The following SLC19A1 variants were observed in gnomAD, a reference collection of about 807,000 sequenced individuals.
The protein encoded by SLC19A1 is reduced folate transporter.
SLC19A1 carries 37 observed loss-of-function variants against 35.3 expected under a neutral mutation model. That is an observed-to-expected ratio of 1.05 (90% CI 0.81 to 1.38). The LOEUF (loss-of-function observed/expected upper bound fraction) is 1.38. Ranked by LOEUF, SLC19A1 falls within the 40% of genes most tolerant of loss-of-function variation. The pLI, the probability that SLC19A1 is intolerant of heterozygous loss-of-function variation, is 0.00. For synonymous variants in SLC19A1, 460 were observed against 398.5 expected, an observed-to-expected ratio of 1.15 and a Z score of -1.84; for missense variants, 831 against 826.9, an observed-to-expected ratio of 1.00 and a Z score of -0.06.
rs556267722 is a variant in SLC19A1 at position 45,517,491 on chromosome 21, C to T, written c.1294-1351G>A. Among the ~76,000 whole-genome samples, 3 of 151,032 alleles carry T rather than the reference C, an allele frequency of 2.0e-5. No homozygotes were observed. Among genetic ancestry groups the T allele is most frequent in the Non-Finnish European group, 4.4e-5 (3 of 67,822 alleles). On this transcript the variant is annotated intron_variant, in intron 5 of 5. Transcript: ENST00000311124. This position sits in a 1 kb window ranked among gnomAD's most constrained non-coding sequence, Gnocchi z 4.4. ...ACACCCACCCTCACCCCCAAGGAGT[C>T]AGCAGAGACCACAGGGAAGCCCAAG... is the stretch of plus-strand genomic sequence containing the variant.
In SLC19A1 at chr21:45,531,485, C is replaced by T; in HGVS notation, c.853G>A (p.Val285Ile). The change falls in exon 3 of 6, where the codon GTC becomes ATC. Residue 285 changes from valine to isoleucine, a missense_variant. Coordinates refer to ENST00000311124, the MANE Select transcript of SLC19A1 (RefSeq NM_194255.4). ...VFNSAGYYLV[V>I]YYVHILWNEV... ...TTCCACAGGATGTGCACGTAGTAGA[C>T]CACCAGGTAGTAGCCGGCCGAGTTG... 6.2e-7 allele frequency: 1 copy of T among 1,612,794 alleles called. No homozygotes were observed. Among genetic ancestry groups the T allele is most frequent in the Middle Eastern group, 1.7e-4 (1 of 6,058 alleles).
intron 1 of SLC19A1, among the ~76,000 whole-genome samples, chr21:45,554,648 T>C (rs1451107260): frequency 6.8e-6 from 1 of 147,056 alleles, no homozygotes; most frequent in African/African-American, 2.5e-5. Flanking sequence ...GGAAACTTCC[T>C]TTCAGGCCGG....
rs148243729 is a variant in SLC19A1 at position 45,531,840 on chromosome 21, G to A, written c.498C>T (p.Thr166=). The A allele has an allele frequency of 1.1e-4, 179 of 1,586,948 alleles. 2 individuals carry two copies. In the South Asian group the frequency reaches 1.8e-3, roughly 16 times the overall value. The change falls in exon 3 of 6, where the codon ACC becomes ACT. Residue 166 remains threonine (T), a synonymous_variant. Transcript: ENST00000311124. ...SRAAVLLGVF[T]SSVLGQLLVT... ...CCAGCAGCTGGCCCAGCACGGAGCT[G>A]GTGAACACGCCCAGCAGCACCGCAG...
At chr21:45,553,074 T>C (rs977026544) in intron 1 of SLC19A1, among the ~76,000 whole-genome samples, 2 of 152,046 alleles carry the variant, frequency 1.3e-5, no homozygotes, top group Non-Finnish European at 2.9e-5. Flanking sequence ...GGGCGGCAGG[T>C]GGCCAGGCTC....
rs928588113 is a variant in SLC19A1 at position 45,505,685 on chromosome 21, C to T, written c.498-7073G>A. On this transcript the variant is annotated intron_variant, in intron 3 of 4. Transcript: ENST00000417954. ...GCAGGAGCTGGCGGCAGGCAGGGGT[C>T]CCCATGGTGCTCATGGGGGCAGCCG... 7.1e-6 allele frequency: 5 copies of T among 700,608 alleles called. No individual in the cohort carries two copies. In the Admixed American group the frequency reaches 8.7e-5, roughly 12 times the overall value. 43.4% of individuals were successfully genotyped at this position (700,608 alleles called of 1,614,324 possible).
At chr21:45,554,573 C>G (rs1211588743) in intron 1 of SLC19A1, among the ~76,000 whole-genome samples, 1 of 133,402 alleles carries the variant, frequency 7.5e-6, no homozygotes, top group African/African-American at 2.9e-5. Context: ...CAGGGGGCGT[C>G]CTCTTGTGCC....
Position 45,534,831 on chromosome 21 carries a change from G to A in SLC19A1, c.190-2683C>T. On this transcript the variant is annotated intron_variant, in intron 2 of 5. Coordinates refer to ENST00000311124, the MANE Select transcript of SLC19A1 (RefSeq NM_194255.4). The surrounding 1 kb of genome is among the most constrained non-coding windows in gnomAD (Gnocchi z 4.2). ...CTCACAACGGTCCCAGCAGGGAGGT[G>A]GCATCTGTCAGGCGGCCACGACTCT... The A allele has an allele frequency of 1.8e-6, 1 of 569,762 alleles. No homozygotes were observed. Among genetic ancestry groups the A allele is most frequent in the South Asian group, 2.1e-5 (1 of 48,642 alleles). 35.3% of individuals were successfully genotyped at this position (569,762 alleles called of 1,614,324 possible).
chr21:45,513,365 G>A lies in SLC19A1; in HGVS notation c.*2293C>T, dbSNP rs2037720470. The A allele has an allele frequency of 6.6e-6, 1 of 152,324 alleles. No individual in the cohort carries two copies. Among genetic ancestry groups the A allele is most frequent in the Non-Finnish European group, 1.5e-5 (1 of 68,100 alleles). The allele number at this position is 152,324 out of a possible 1,614,324, so 9.4% of individuals were successfully genotyped here. A position where few individuals can be genotyped will look rare whatever the true frequency, so the allele number is the denominator to read the frequency against. On this transcript the variant is annotated 3_prime_UTR_variant, in exon 6 of 6. Transcript: ENST00000311124. ...TCTGTGCACTGCCCATGGACAGGCT[G>A]GCTCCAGATGCAGGGCAGTCATTGG... is the stretch of plus-strand genomic sequence containing the variant.
chr21:45,509,108 G>T (rs773193507), downstream of SLC19A1, among the ~76,000 whole-genome samples: 10 of 152,120 alleles, frequency 6.6e-5, no homozygotes, highest in Admixed American at 1.3e-4. Flanking sequence ...TGATTGCTGC[G>T]GCTTCTGAGC....
intron 2 of SLC19A1, 40 bp downstream of exon 2, chr21:45,537,731 C>A: frequency 3.3e-6 from 3 of 917,388 alleles, no homozygotes; most frequent in South Asian, 2.9e-5. Flanking sequence ...CCCGCCCACC[C>A]ACCCACAGGC....
At chr21:45,527,521 G>A (rs368331535) in intron 4 of SLC19A1, among the ~76,000 whole-genome samples, 5 of 138,720 alleles carry the variant, frequency 3.6e-5, no homozygotes, top group Admixed American at 7.2e-5. Flanking sequence ...AGTGGCAGCC[G>A]GGCAGGGCGG....
downstream of SLC19A1, chr21:45,509,248 G>C (rs919408100): frequency 1.4e-6 from 2 of 1,447,598 alleles, no homozygotes; most frequent in African/African-American, 1.4e-5. Flanking sequence ...CTCCCTGCTT[G>C]CCAGTTCAGA....
At chr21:45,552,690 T>G (rs1396586181) in intron 1 of SLC19A1, among the ~76,000 whole-genome samples, 1 of 146,676 alleles carries the variant, frequency 6.8e-6, no homozygotes, top group Non-Finnish European at 1.5e-5. Flanking sequence ...GGAGCGGGTC[T>G]TAGTGGGTTG....
rs116087184 is a variant in SLC19A1 at position 45,557,724 on chromosome 21, G to A, written c.-50+5018C>T. On this transcript the variant is annotated intron_variant, in intron 1 of 5. Coordinates refer to the SLC19A1 transcript ENST00000650808. ...TCAGACAGTGTGCCTCTCTTGGACC[G>A]TGTCCTGCGCTCTGGTGACTCTCGG... Among the ~76,000 whole-genome samples, 5 of 152,238 alleles carry A rather than the reference G, an allele frequency of 3.3e-5. No homozygotes were observed. The South Asian group carries it at 8.3e-4, about 25-fold the overall frequency.
chr21:45,538,053 A>G (rs2078189043), intron 1 of SLC19A1, 45 bp from the exon 2 acceptor site: 2 of 1,160,224 alleles, frequency 1.7e-6, no homozygotes, highest in Admixed American at 2.9e-5. Context: ...GATGGTCTGC[A>G]GGCCTCCCTA....
At chr21:45,535,362 C>T (rs1346054931) in intron 2 of SLC19A1, among the ~76,000 whole-genome samples, 1 of 152,228 alleles carries the variant, frequency 6.6e-6, no homozygotes, top group Non-Finnish European at 1.5e-5. Context: ...CAGAGAAACA[C>T]CGTATGTAAC....
At chr21:45,505,034 G>A (rs540742053) in intron 3 of SLC19A1, 58 of 1,474,242 alleles carry the variant, frequency 3.9e-5, no homozygotes, top group South Asian at 2.2e-4. Context: ...CAGAGGCTGC[G>A]CTCGCCAAGG....
Position 45,515,898 on chromosome 21 carries a change from C to T in SLC19A1, c.1536G>A (p.Gly512=), listed in dbSNP as rs201466856. 1.4e-4 allele frequency: 212 copies of T among 1,552,230 alleles called. 4 individuals are homozygous for T. The highest frequency in any genetic ancestry group is 1.0e-3 in the Middle Eastern group (6 of 5,838). ...TCTGTCTCTGCTCCAGGGAGGCTGG[C>T]CCCACAGCCCCCAGGCTGTCTTCTG... The part of the protein sequence containing the change: ...LSPEDSLGAV[G]PASLEQRQSD... Residue 512 remains glycine (G), a synonymous_variant, in exon 6 of 6, where the codon GGG becomes GGA. Coordinates refer to ENST00000311124, the MANE Select transcript of SLC19A1 (RefSeq NM_194255.4).
intron 3 of SLC19A1, chr21:45,504,350 G>A (rs2037052331): frequency 8.5e-6 from 13 of 1,533,584 alleles, no homozygotes; most frequent in Non-Finnish European, 1.2e-5. Flanking sequence ...GGCTCGGGGG[G>A]ATGGGAGGCC....
Sources: allele counts gnomAD v4.1 joint callset (sites outside exome capture counted in the v4.1 genomes callset), GRCh38; gene constraint gnomAD v4.1.1; non-coding constraint Gnocchi (gnomAD v3.1); transcripts MANE v1.5; gene names NCBI Gene and HGNC (gene_info 2026-07-23, HGNC 2026-07-21).